The following SEMA6D variants were observed in gnomAD, a reference collection of about 807,000 sequenced individuals.
SEMA6D encodes the protein semaphorin-6D.
In SEMA6D, 35 loss-of-function variants were observed where a neutral mutation model predicts 106.6. The observed-to-expected ratio is 0.33, with a 90% CI of 0.25 to 0.44. The LOEUF (loss-of-function observed/expected upper bound fraction) is 0.44. Among genes scored for constraint, SEMA6D ranks in the 20% least tolerant of loss-of-function variants. The pLI, the probability that SEMA6D is intolerant of heterozygous loss-of-function variation, is 1.00. For missense variants in SEMA6D, 1,185 were observed against 1,345.9 expected, an observed-to-expected ratio of 0.88 and a Z score of 1.87; for synonymous variants, 499 against 487.7, an observed-to-expected ratio of 1.02 and a Z score of -0.31.
At chr15:47,271,541 A>G (rs1475957025) in intron 1 of SEMA6D, among the ~76,000 whole-genome samples, 1 of 152,184 alleles carries the variant, frequency 6.6e-6, no homozygotes, top group Non-Finnish European at 1.5e-5. Context: ...TTGTTGCTGT[A>G]CAGCTCAGAG....
chr15:47,271,227 A>C (rs1242445514), intron 1 of SEMA6D, among the ~76,000 whole-genome samples: 1 of 152,244 alleles, frequency 6.6e-6, no homozygotes, highest in South Asian at 2.1e-4. Context: ...AGGCTGTTAC[A>C]ATAGGGAAAA....
rs376666054 is a variant in SEMA6D, at chr15:47,597,168, A to G, written c.-86-3697A>G. On this transcript the variant is annotated intron_variant, in intron 3 of 19. Transcript: ENST00000558014. ...GTAATCATTAGGGAAATGATGAGAT[A>G]TTACTTCCCACCTGTCAGAATGCCT... is the stretch of plus-strand genomic sequence containing the variant. Among the ~76,000 whole-genome samples the G allele has an allele frequency of 1.2e-4, 18 of 152,254 alleles. No homozygotes were observed. In the East Asian group the frequency reaches 3.5e-3, roughly 29 times the overall value.
intron 1 of SEMA6D, among the ~76,000 whole-genome samples, chr15:47,325,386 T>G (rs1331261176): frequency 6.6e-6 from 1 of 152,098 alleles, no homozygotes; most frequent in African/African-American, 2.4e-5. Context: ...TTGGCCAGGC[T>G]GGTCTCAAAC....
chr15:47,469,308 G>C (rs2042760188), intron 2 of SEMA6D, among the ~76,000 whole-genome samples: 1 of 150,652 alleles, frequency 6.6e-6, no homozygotes, highest in Non-Finnish European at 1.5e-5. Flanking sequence ...AGGTGTGTGT[G>C]TGTGTGTGTG....
chr15:47,255,426 TTTTG>T (rs1287582360), intron 1 of SEMA6D, among the ~76,000 whole-genome samples: 2 of 152,120 alleles, frequency 1.3e-5, no homozygotes, highest in Non-Finnish European at 2.9e-5. Flanking sequence ...TTAATCTCTA[TTTTG>T]TTTATTTTTG....
intron 2 of SEMA6D, among the ~76,000 whole-genome samples, chr15:47,414,975 A>G (rs1014262702): frequency 2.6e-5 from 4 of 152,196 alleles, no homozygotes; most frequent in African/African-American, 9.6e-5. Context: ...TATTTACTCT[A>G]TTCTCTGTAG....
chr15:47,438,102 A>G (rs1359914393), intron 2 of SEMA6D, among the ~76,000 whole-genome samples: 6 of 152,094 alleles, frequency 3.9e-5, no homozygotes, highest in African/African-American at 1.4e-4. Flanking sequence ...AGCTTGTAGT[A>G]TTCATCATCT....
Position 47,771,675 on chromosome 15 carries a change from C to A in SEMA6D, c.3112C>A (p.Pro1038Thr). The change falls in exon 19 of 19, where the codon CCT (proline) becomes ACT (threonine). Residue 1038 changes from proline to threonine, a missense_variant. Around this residue, in one of 3 missense-constraint regions of SEMA6D, gnomAD observed 750 missense variants for 783.5 expected, o/e 0.96. Coordinates refer to ENST00000536845, the MANE Select transcript of SEMA6D (RefSeq NM_001358351.3). The part of the protein sequence containing the change: ...QSSYTSNGTL[P>T]RTGLKRTPSL... ...CAGCTACACCAGTAATGGCACTCTTCCTAGGACGGGACTAAAGAGGACGCC... is the reference window on the plus strand; with the variant it reads ...CAGCTACACCAGTAATGGCACTCTTACTAGGACGGGACTAAAGAGGACGCC... 6.2e-7 allele frequency: 1 copy of A among 1,614,126 alleles called. No homozygotes were observed. The highest frequency in any genetic ancestry group is 8.5e-7 in the Non-Finnish European group (1 of 1,179,990).
At chr15:47,705,858 A>T (rs2078903232) in intron 4 of SEMA6D, among the ~76,000 whole-genome samples, 1 of 152,222 alleles carries the variant, frequency 6.6e-6, no homozygotes, top group Non-Finnish European at 1.5e-5. Flanking sequence ...TTACCAGGGA[A>T]CCAACACCTT....
intron 6 of SEMA6D, 67 bp downstream of exon 6, chr15:47,761,498 A>G: frequency 7.3e-7 from 1 of 1,366,820 alleles, no homozygotes; most frequent in Non-Finnish European, 1.0e-6. Flanking sequence ...ATGCTGTTAG[A>G]GTTGAAATCT....
At chr15:47,542,683 G>A (rs547734884) in intron 3 of SEMA6D, among the ~76,000 whole-genome samples, 22 of 151,204 alleles carry the variant, frequency 1.5e-4, no homozygotes, top group African/African-American at 5.2e-4. Flanking sequence ...TTTCTTTTTA[G>A]TCAATAACTT....
At chr15:47,389,686 A>G (rs2039963025) in intron 1 of SEMA6D, among the ~76,000 whole-genome samples, 1 of 152,194 alleles carries the variant, frequency 6.6e-6, no homozygotes, top group Non-Finnish European at 1.5e-5. Context: ...AGAAAAAAAT[A>G]GCAACATAGA....
chr15:47,738,885 A>T (rs940990601), intron 1 of SEMA6D, among the ~76,000 whole-genome samples: 5 of 151,974 alleles, frequency 3.3e-5, no homozygotes, highest in Non-Finnish European at 5.9e-5. Flanking sequence ...GCTCATTCTC[A>T]TGGAAGGCCA....
chr15:47,633,385 G>T (rs1366330274), intron 4 of SEMA6D, among the ~76,000 whole-genome samples: 1 of 151,980 alleles, frequency 6.6e-6, no homozygotes, highest in Non-Finnish European at 1.5e-5. Context: ...ATTGATAAAG[G>T]ATTGTTTCAC....
At chr15:47,431,180 G>T (rs1008823115) in intron 2 of SEMA6D, among the ~76,000 whole-genome samples, 4 of 152,090 alleles carry the variant, frequency 2.6e-5, no homozygotes, top group Non-Finnish European at 4.4e-5. Flanking sequence ...CTATTTGTAT[G>T]CAAGGTATAT....
rs116073492 is a variant in SEMA6D, at chr15:47,507,347, C to T, written c.-87+36802C>T. Among the ~76,000 whole-genome samples the T allele has an allele frequency of 9.9e-3, 1,254 of 126,644 alleles. 19 individuals carry two copies. The highest frequency in any genetic ancestry group is 0.035 in the African/African-American group (1,179 of 33,646). The allele number at this position is 126,644 out of a possible 152,430, so 83.1% of individuals were successfully genotyped here. On this transcript the variant is annotated intron_variant, in intron 3 of 19. Coordinates refer to the SEMA6D transcript ENST00000558014. ...GGGCTCTCAAGTGGGACACCCCCCC[C>T]CACCCCCCCGGGCCTTATATTCCTT...
chr15:47,461,288 A>G (rs1210454869), intron 2 of SEMA6D, among the ~76,000 whole-genome samples: 1 of 152,026 alleles, frequency 6.6e-6, no homozygotes, highest in Non-Finnish European at 1.5e-5. Flanking sequence ...TTGCACTCTG[A>G]AATTGCCTTT....
chr15:47,467,568 T>C (rs2042702978), intron 2 of SEMA6D, among the ~76,000 whole-genome samples: 1 of 152,070 alleles, frequency 6.6e-6, no homozygotes, highest in African/African-American at 2.4e-5. Flanking sequence ...GATTGAGAAG[T>C]AGAGGAAGGG....
At chr15:47,244,506 A>G (rs1042151109) in intron 1 of SEMA6D, among the ~76,000 whole-genome samples, 1 of 152,166 alleles carries the variant, frequency 6.6e-6, no homozygotes, top group African/African-American at 2.4e-5. Context: ...CAATGTTGTG[A>G]TAAATAGTAT....
Sources: gnomAD v4.1 joint callset for allele counts (sites outside exome capture counted in the v4.1 genomes callset) on GRCh38, gnomAD v4.1.1 for gene constraint, gnomAD v4.1.1 regional missense constraint, MANE v1.5 for transcripts, NCBI Gene and HGNC (gene_info 2026-07-23, HGNC 2026-07-21) for gene names.